Variants in GABBR2 observed in about 807,000 individuals in gnomAD.
The protein encoded by GABBR2 is gamma-aminobutyric acid type B receptor subunit 2.
GABBR2 carries 23 observed loss-of-function variants against 105.6 expected under a neutral mutation model. The ratio of observed to expected loss-of-function variants is 0.22; its 90% CI spans 0.16 to 0.31. The LOEUF (loss-of-function observed/expected upper bound fraction) is 0.31. Among genes scored for constraint, GABBR2 ranks in the 10% least tolerant of loss-of-function variants. The pLI, the probability that GABBR2 is intolerant of heterozygous loss-of-function variation, is 1.00. For missense variants in GABBR2, 734 were observed against 1,245.5 expected (o/e 0.59, Z 6.18); for synonymous variants, 478 against 499.7 (o/e 0.96, Z 0.58).
intron 8 of GABBR2, among the ~76,000 whole-genome samples, chr9:98,401,321 C>T (rs1832391240): frequency 6.6e-6 from 1 of 152,148 alleles, no homozygotes; most frequent in Non-Finnish European, 1.5e-5. Context: ...ATGAGTTCCC[C>T]ATCACTGGAG....
At chr9:98,652,058 T>C (rs1424399391) in intron 1 of GABBR2, among the ~76,000 whole-genome samples, 2 of 152,194 alleles carry the variant, frequency 1.3e-5, no homozygotes, top group Non-Finnish European at 2.9e-5. Flanking sequence ...AGCTGGGTGA[T>C]AGGTACATGG....
At chr9:98,344,273 CAACA>C (rs1042845341) in intron 13 of GABBR2, among the ~76,000 whole-genome samples, 7 of 152,192 alleles carry the variant, frequency 4.6e-5, no homozygotes, top group Admixed American at 4.6e-4. Context: ...TCCGTATGTC[CAACA>C]CCTACTCACC....
At chr9:98,371,945 G>A (rs1348157334) in intron 11 of GABBR2, among the ~76,000 whole-genome samples, 1 of 152,098 alleles carries the variant, frequency 6.6e-6, no homozygotes, top group Admixed American at 6.5e-5. Flanking sequence ...CCTTCTTCCT[G>A]CTGCCCAGCC....
chr9:98,322,598 G>C (rs1442107955), intron 13 of GABBR2, among the ~76,000 whole-genome samples: 1 of 107,954 alleles, frequency 9.3e-6, no homozygotes, highest in Non-Finnish European at 1.9e-5. Flanking sequence ...CCCCCTCCAT[G>C]ATCTGACCCC....
At chr9:98,348,173 C>T (rs573832391) in intron 13 of GABBR2, among the ~76,000 whole-genome samples, 98 of 152,186 alleles carry the variant, frequency 6.4e-4, no homozygotes, top group Admixed American at 2.0e-3. Flanking sequence ...GTTTTCACAG[C>T]ATCATTTATA....
intron 2 of GABBR2, among the ~76,000 whole-genome samples, chr9:98,552,899 C>T (rs1467514091): frequency 1.3e-5 from 2 of 152,010 alleles, no homozygotes; most frequent in Admixed American, 6.5e-5. Flanking sequence ...TTCTTAGAGA[C>T]AGGGTCTCAC....
chr9:98,408,284 C>T (rs1012960510), intron 7 of GABBR2, among the ~76,000 whole-genome samples: 1 of 152,248 alleles, frequency 6.6e-6, no homozygotes, highest in African/African-American at 2.4e-5. Flanking sequence ...TCCCAAACAA[C>T]ACGAGACACT....
chr9:98,487,551 A>C (rs1827084171), intron 4 of GABBR2, among the ~76,000 whole-genome samples: 1 of 152,054 alleles, frequency 6.6e-6, no homozygotes, highest in Non-Finnish European at 1.5e-5. Flanking sequence ...AAGGCAGGAG[A>C]ATCACTTGAG....
chr9:98,630,732 G>C (rs1829805204), intron 1 of GABBR2, among the ~76,000 whole-genome samples: 1 of 152,136 alleles, frequency 6.6e-6, no homozygotes, highest in Admixed American at 6.5e-5. Flanking sequence ...CAGTGTGAGA[G>C]GCCTCAAGTC....
At chr9:98,600,807 C>T (rs1181567566) in intron 1 of GABBR2, among the ~76,000 whole-genome samples, 1 of 152,240 alleles carries the variant, frequency 6.6e-6, no homozygotes, top group African/African-American at 2.4e-5. Context: ...AGCCTCTGCA[C>T]CGCACCGCCA....
chr9:98,445,552 G>T (rs1459959610), intron 7 of GABBR2, among the ~76,000 whole-genome samples: 1 of 152,246 alleles, frequency 6.6e-6, no homozygotes, highest in Non-Finnish European at 1.5e-5. Flanking sequence ...GAAGAAACCT[G>T]TAAGGGAGAG....
intron 1 of GABBR2, among the ~76,000 whole-genome samples, chr9:98,635,877 T>C (rs1260084935): frequency 6.6e-6 from 1 of 152,156 alleles, no homozygotes; most frequent in Non-Finnish European, 1.5e-5. Context: ...TTCTCAAACT[T>C]GAGTTTGTAT....
intron 8 of GABBR2, among the ~76,000 whole-genome samples, chr9:98,394,968 C>G (rs537034722): frequency 6.6e-6 from 1 of 152,324 alleles, no homozygotes; most frequent in African/African-American, 2.4e-5. Context: ...AGCATAATCT[C>G]CCACTGCTCT....
Position 98,585,612 on chromosome 9 carries a change from G to T in GABBR2, c.322-7540C>A, listed in dbSNP as rs1276383802. The stretch of plus-strand genomic sequence containing the variant: ...CATATGTAACAAACCTGCACGTTGT[G>T]CACATGTACCCTAAAACTTAAAGTA... On this transcript the variant is annotated intron_variant, in intron 1 of 18. Coordinates refer to ENST00000259455, the MANE Select transcript of GABBR2 (RefSeq NM_005458.8). Among the ~76,000 whole-genome samples the T allele has an allele frequency of 1.3e-4, 20 of 150,820 alleles. No individual in the cohort carries two copies. The South Asian group carries it at 4.1e-3, about 31-fold the overall frequency.
intron 2 of GABBR2, among the ~76,000 whole-genome samples, chr9:98,543,984 C>T (rs570202499): frequency 2.0e-5 from 3 of 151,996 alleles, no homozygotes; most frequent in African/African-American, 7.2e-5. Flanking sequence ...AATAATTTCT[C>T]CATGGTTTCT....
intron 1 of GABBR2, among the ~76,000 whole-genome samples, chr9:98,649,865 A>G (rs1830080656): frequency 6.6e-6 from 1 of 152,212 alleles, no homozygotes; most frequent in Admixed American, 6.5e-5. Flanking sequence ...AGAGGTGGCC[A>G]TTTACCTTGC....
intron 7 of GABBR2, among the ~76,000 whole-genome samples, chr9:98,415,578 C>T (rs913292151): frequency 3.3e-5 from 5 of 152,170 alleles, no homozygotes; most frequent in Non-Finnish European, 7.3e-5. Flanking sequence ...CTCGGCAAAA[C>T]GTGCAGAGAT....
chr9:98,579,236 T>C (rs896287390), intron 1 of GABBR2, among the ~76,000 whole-genome samples: 1 of 152,194 alleles, frequency 6.6e-6, no homozygotes, highest in African/African-American at 2.4e-5. Flanking sequence ...GGCTGGACGT[T>C]GAGGAAACAT....
At chr9:98,386,144 G>A (rs1215424316) in intron 10 of GABBR2, among the ~76,000 whole-genome samples, 1 of 151,818 alleles carries the variant, frequency 6.6e-6, no homozygotes, top group Non-Finnish European at 1.5e-5. Flanking sequence ...ACTTCCCAAG[G>A]GACAGCTTGT....
Sources: allele counts gnomAD v4.1 joint callset (sites outside exome capture counted in the v4.1 genomes callset), GRCh38; gene constraint gnomAD v4.1.1; transcripts MANE v1.5; gene names NCBI Gene and HGNC (gene_info 2026-07-23, HGNC 2026-07-21).